The following PASK variants were observed in gnomAD, a reference collection of about 807,000 sequenced individuals.
PASK encodes the protein PAS domain containing serine/threonine kinase, also known as PAS domain-containing serine/threonine-protein kinase.
A neutral mutation model predicts 121.0 loss-of-function variants in PASK; 110 were observed. That is an observed-to-expected ratio of 0.91 (90% CI 0.78 to 1.06). The LOEUF is 1.06. PASK is among the 50% of genes least tolerant of loss of function. The pLI, the probability that PASK is intolerant of heterozygous loss-of-function variation, is 0.00. For missense variants in PASK, 1,643 were observed against 1,702.3 expected, an observed-to-expected ratio of 0.97 and a Z score of 0.61; for synonymous variants, 686 against 717.8, an observed-to-expected ratio of 0.96 and a Z score of 0.71.
In PASK at chr2:241,127,051, G is replaced by C. The variant is rs773934506; in HGVS notation, c.1864C>G (p.Arg622Gly). ...GGGCTGGGGGCCAAGTCCTGGCTTC[G>C]CCACCACAAGCCCCATTCACTCCCA... ...CYGSEWGLWW[R>G]SQDLAPSPSG... Residue 622 changes from arginine to glycine, a missense_variant, in exon 10 of 18, where the codon CGA becomes GGA. Arg to Gly is a moderately radical substitution (Grantham distance 125). Around this residue, in one of 3 missense-constraint regions of PASK, gnomAD observed 1,176 missense variants for 1,162.2 expected, o/e 1.01. Transcript: ENST00000234040. The C allele has an allele frequency of 6.2e-7, 1 of 1,613,944 alleles. No homozygotes were observed. Among genetic ancestry groups the C allele is most frequent in the African/African-American group, 1.3e-5 (1 of 74,934 alleles).
chr2:241,150,247 T>C (rs1353211570), upstream of PASK: 4 of 1,289,472 alleles, frequency 3.1e-6, no homozygotes, highest in Admixed American at 1.2e-4. Context: ...CTCCCTCTGC[T>C]TTCCTTCCCA....
At chr2:241,134,930 C>G (rs980436557) in intron 8 of PASK, among the ~76,000 whole-genome samples, 5 of 152,306 alleles carry the variant, frequency 3.3e-5, no homozygotes, top group African/African-American at 9.6e-5. Flanking sequence ...TTCCGGGGTC[C>G]CCACCAGGGC....
At chr2:241,111,637 G>A (rs1301608819) in intron 15 of PASK, among the ~76,000 whole-genome samples, 1 of 151,522 alleles carries the variant, frequency 6.6e-6, no homozygotes, top group Non-Finnish European at 1.5e-5. Context: ...GCCCTGCCCA[G>A]GCCGGCCCCC....
intron 4 of PASK, chr2:241,139,638 A>T (rs771411175): frequency 1.4e-6 from 1 of 692,818 alleles, no homozygotes; most frequent in Non-Finnish European, 2.7e-6. Context: ...CACCCACGAC[A>T]CCTCCCAGGA....
intron 15 of PASK, among the ~76,000 whole-genome samples, chr2:241,111,647 C>CAG (rs753181526): frequency 4.6e-5 from 7 of 152,034 alleles, no homozygotes; most frequent in Non-Finnish European, 1.0e-4. Flanking sequence ...GGCCGGCCCC[C>CAG]GACTCACAGG....
Position 241,130,115 on chromosome 2 carries a change from T to C in PASK, c.1464-2664A>G, listed in dbSNP as rs933440041. Among the ~76,000 whole-genome samples the C allele has an allele frequency of 3.3e-5, 5 of 152,190 alleles. No individual in the cohort carries two copies. In the East Asian group the frequency reaches 9.6e-4, roughly 29 times the overall value. Reference sequence around the variant, plus strand: ...CTTCCTTCATGCTTCCTAACCCTGTTCTGTCTTACTGTTTCAGCTTATTGT... The same window carrying C: ...CTTCCTTCATGCTTCCTAACCCTGTCCTGTCTTACTGTTTCAGCTTATTGT... On this transcript the variant is annotated intron_variant, in intron 9 of 17. Transcript: ENST00000234040.
chr2:241,117,468 G>A (rs968732400), intron 12 of PASK, among the ~76,000 whole-genome samples: 3 of 152,204 alleles, frequency 2.0e-5, no homozygotes, highest in African/African-American at 4.8e-5. Context: ...GAGACAAGAG[G>A]GCAGGCTCCT....
chr2:241,138,970 A>G (rs1477702090), intron 4 of PASK, among the ~76,000 whole-genome samples, 176 bp from the exon 5 acceptor site: 1 of 152,274 alleles, frequency 6.6e-6, no homozygotes, highest in Non-Finnish European at 1.5e-5. Context: ...CATACTGAAC[A>G]TTAAAATCTC....
intron 12 of PASK, among the ~76,000 whole-genome samples, chr2:241,116,729 C>T (rs6707724): frequency 0.024 from 3,710 of 152,264 alleles, 153 homozygotes; most frequent in African/African-American, 0.085. Context: ...CACTGCAAGT[C>T]GCTGAAAATC....
At chr2:241,115,620 C>CCAGGGG (rs2065302935) in intron 12 of PASK, among the ~76,000 whole-genome samples, 3 of 128,422 alleles carry the variant, frequency 2.3e-5, no homozygotes, top group African/African-American at 9.9e-5. Flanking sequence ...ACCAGGGACA[C>CCAGGGG]CCAGTCCTCA....
intron 1 of PASK, 21 bp from the exon 2 acceptor site, chr2:241,143,095 G>A (rs2066787096): frequency 1.7e-6 from 2 of 1,192,734 alleles, no homozygotes; most frequent in African/African-American, 1.5e-5. Context: ...ACATGAAGCT[G>A]ATTAACATCT....
chr2:241,106,649 GCTC>G lies in PASK; in HGVS notation c.3886_3888del (p.Glu1296del), dbSNP rs2064892472. On this transcript the variant is annotated inframe_deletion, in exon 18 of 18. Coordinates refer to ENST00000234040, the MANE Select transcript of PASK (RefSeq NM_015148.4). The stretch of plus-strand genomic sequence containing the variant: ...TCGCCTGGAACGGGGCCCCCACAAA[GCTC>G]CTGAGCCTGGGCCACATCACTCAGG... 6.2e-7 allele frequency: 1 copy of G among 1,614,162 alleles called. No homozygotes were observed. Among genetic ancestry groups the G allele is most frequent in the African/African-American group, 1.3e-5 (1 of 75,068 alleles).
Position 241,108,411 on chromosome 2 carries a change from G to A in PASK, c.3534-111C>T. The A allele has an allele frequency of 8.9e-7, 1 of 1,122,878 alleles. No individual in the cohort carries two copies. Among genetic ancestry groups the A allele is most frequent in the South Asian group, 1.3e-5 (1 of 78,934 alleles). 69.6% of individuals were successfully genotyped at this position (1,122,878 alleles called of 1,614,324 possible). A position where few individuals can be genotyped will look rare whatever the true frequency, so the allele number is the denominator to read the frequency against. On this transcript the variant is annotated intron_variant, in intron 15 of 17. Transcript: ENST00000234040. This position sits in a 1 kb window ranked among gnomAD's most constrained non-coding sequence, Gnocchi z 5.2. ...CGACCAGCACACAGGCCAGGCAGTG[G>A]TTTCCCAAGAGGAGGGTCACTCCAC... is the stretch of plus-strand genomic sequence containing the variant.
intron 1 of PASK, among the ~76,000 whole-genome samples, chr2:241,143,841 G>A (rs567509035): frequency 5.2e-5 from 8 of 152,384 alleles, no homozygotes; most frequent in African/African-American, 1.2e-4. Context: ...AAGTGAGGTC[G>A]CGGGGGCCAT....
intron 10 of PASK, 73 bp downstream of exon 10, chr2:241,126,116 CAGAACAA>C (rs1179253571): frequency 1.5e-6 from 2 of 1,294,698 alleles, no homozygotes; most frequent in Non-Finnish European, 2.2e-6. Context: ...CATCAGACCC[CAGAACAA>C]GGAAGGCCCT....
At position 241,112,528 on chromosome 2, in the gene PASK, A is replaced by G; in HGVS notation, c.3334-89T>C. On this transcript the variant is annotated intron_variant, in intron 14 of 17. Transcript: ENST00000234040. The surrounding 1 kb of genome is among the most constrained non-coding windows in gnomAD (Gnocchi z 5.2). ...ATAAACTGGAACAAAAAAAAACACA[A>G]AGAAAAAATAAACCTCCGACTCATA... is the stretch of plus-strand genomic sequence containing the variant. 1 of 809,948 alleles carries G rather than the reference A, an allele frequency of 1.2e-6. No homozygotes were observed. Among genetic ancestry groups the G allele is most frequent in the Non-Finnish European group, 2.0e-6 (1 of 508,232 alleles). 50.2% of individuals were successfully genotyped at this position (809,948 alleles called of 1,614,324 possible). A position where few individuals can be genotyped will look rare whatever the true frequency, so the allele number is the denominator to read the frequency against.
intron 9 of PASK, among the ~76,000 whole-genome samples, chr2:241,129,533 T>C (rs1398166321): frequency 6.6e-6 from 1 of 152,226 alleles, no homozygotes; most frequent in Non-Finnish European, 1.5e-5. Context: ...GCTTCTCACG[T>C]GCTTAGGGCC....
rs12620945 is a variant in PASK, at chr2:241,116,973, G to A, written c.3073-1560C>T. Among the ~76,000 whole-genome samples the A allele has an allele frequency of 0.023, 3,484 of 152,314 alleles. 302 individuals carry two copies. In the East Asian group the frequency reaches 0.23, roughly 10 times the overall value. On this transcript the variant is annotated intron_variant, in intron 12 of 17. Coordinates refer to ENST00000234040, the MANE Select transcript of PASK (RefSeq NM_015148.4). ...GTGCATGGGATAGGGAGTGAGTCCC[G>A]GGAAGGCAGCTTCTGAGCGCCTCGG...
intron 11 of PASK, among the ~76,000 whole-genome samples, 150 bp downstream of exon 11, chr2:241,123,794 GGGAAC>G: frequency 6.6e-6 from 1 of 151,656 alleles, no homozygotes; most frequent in Non-Finnish European, 1.5e-5. Flanking sequence ...CTCCAGCCTG[GGGAAC>G]AAGAGCAAGA....
Sources: gnomAD v4.1 joint callset for allele counts (sites outside exome capture counted in the v4.1 genomes callset) on GRCh38, gnomAD v4.1.1 for gene constraint, gnomAD v4.1.1 regional missense constraint, Gnocchi (gnomAD v3.1) non-coding constraint, MANE v1.5 for transcripts, NCBI Gene and HGNC (gene_info 2026-07-23, HGNC 2026-07-21) for gene names.